NELL1: variants seen among roughly 807,000 people sequenced by gnomAD.
The protein encoded by NELL1 is protein kinase C-binding protein NELL1.
NELL1 carries 76 observed loss-of-function variants against 107.4 expected under a neutral mutation model. The ratio of observed to expected loss-of-function variants is 0.71; its 90% CI spans 0.59 to 0.86. The LOEUF is 0.86. Among genes scored for constraint, NELL1 ranks in the 40% least tolerant of loss-of-function variants. The pLI is 0.00. For missense variants in NELL1, 1,024 were observed against 1,005.5 expected (o/e 1.02, Z -0.25); for synonymous variants, 353 against 341.2 (o/e 1.03, Z -0.38).
chr11:20,909,106 T>C (rs1035338060), intron 5 of NELL1, among the ~76,000 whole-genome samples: 2 of 152,204 alleles, frequency 1.3e-5, no homozygotes, highest in Non-Finnish European at 2.9e-5. Context: ...ATTCCACTTA[T>C]ATGAAATATC....
At chr11:21,432,444 C>CA (rs1852990848) in intron 15 of NELL1, among the ~76,000 whole-genome samples, 1 of 152,272 alleles carries the variant, frequency 6.6e-6, no homozygotes, top group Admixed American at 6.5e-5. Flanking sequence ...CTAAACCTCA[C>CA]AAAATTTGAC....
intron 12 of NELL1, among the ~76,000 whole-genome samples, chr11:21,053,559 A>C (rs568605583): frequency 2.0e-5 from 3 of 152,254 alleles, no homozygotes; most frequent in Non-Finnish European, 4.4e-5. Flanking sequence ...AGAGGGATGC[A>C]CTCAGTACTG....
intron 14 of NELL1, among the ~76,000 whole-genome samples, chr11:21,355,717 C>T (rs538736675): frequency 6.6e-6 from 1 of 152,294 alleles, no homozygotes; most frequent in South Asian, 2.1e-4. Context: ...TTGAATTGCC[C>T]TTCCTTTTAA....
chr11:21,520,352 A>G (rs546478586), intron 15 of NELL1, among the ~76,000 whole-genome samples: 2 of 152,226 alleles, frequency 1.3e-5, no homozygotes, highest in South Asian at 2.1e-4. Context: ...CCCAGTAACT[A>G]CTTCAGGACT....
intron 14 of NELL1, among the ~76,000 whole-genome samples, chr11:21,321,312 A>G (rs4482029): frequency 0.9 from 136,078 of 151,928 alleles, 61,154 homozygotes; most frequent in Middle Eastern, 0.92. Flanking sequence ...AGAGGGAAAG[A>G]TCATGGCCCA....
intron 2 of NELL1, among the ~76,000 whole-genome samples, chr11:20,759,224 C>T (rs1194405908): frequency 6.6e-6 from 1 of 152,208 alleles, no homozygotes; most frequent in African/African-American, 2.4e-5. Context: ...ATGAACTACA[C>T]ATTTAAAATT....
intron 14 of NELL1, among the ~76,000 whole-genome samples, chr11:21,351,289 C>T (rs1850808350): frequency 6.6e-6 from 1 of 151,946 alleles, no homozygotes; most frequent in Non-Finnish European, 1.5e-5. Context: ...TGGTTTAAGT[C>T]ACCAAGTCTG....
At chr11:21,025,051 G>T (rs573240159) in intron 12 of NELL1, among the ~76,000 whole-genome samples, 67 of 152,172 alleles carry the variant, frequency 4.4e-4, no homozygotes, top group African/African-American at 1.6e-3. Flanking sequence ...TGTCCTCAAA[G>T]AGCTTGTCTT....
At chr11:21,507,223 G>T in intron 15 of NELL1, among the ~76,000 whole-genome samples, 1 of 152,106 alleles carries the variant, frequency 6.6e-6, no homozygotes, top group East Asian at 1.9e-4. Context: ...CTTCTTCATT[G>T]AATATCTTCC....
chr11:21,180,144 G>A (rs930506998), intron 13 of NELL1, among the ~76,000 whole-genome samples: 7 of 151,692 alleles, frequency 4.6e-5, no homozygotes, highest in Middle Eastern at 3.4e-3. Context: ...AGACAACCTA[G>A]TATAAATATA....
At chr11:21,161,740 C>T (rs1276288871) in intron 13 of NELL1, among the ~76,000 whole-genome samples, 1 of 151,748 alleles carries the variant, frequency 6.6e-6, no homozygotes, top group African/African-American at 2.4e-5. Flanking sequence ...AATATCATTT[C>T]AACTTTTTAT....
intron 2 of NELL1, among the ~76,000 whole-genome samples, chr11:20,767,769 T>C (rs1489748367): frequency 6.6e-6 from 1 of 152,224 alleles, no homozygotes; most frequent in Non-Finnish European, 1.5e-5. Flanking sequence ...AAATATTTAT[T>C]GCACATCATG....
chr11:21,068,257 C>T (rs558314852), intron 12 of NELL1, among the ~76,000 whole-genome samples: 10 of 152,080 alleles, frequency 6.6e-5, no homozygotes, highest in Non-Finnish European at 1.2e-4. Flanking sequence ...GAGTGCATAT[C>T]ATGTGGTATG....
At chr11:21,205,111 G>C (rs1857360332) in intron 13 of NELL1, among the ~76,000 whole-genome samples, 1 of 149,200 alleles carries the variant, frequency 6.7e-6, no homozygotes, top group African/African-American at 2.6e-5. Context: ...TGAGGAGGCA[G>C]TCTGACCCTT....
At chr11:21,345,544 G>A (rs1022173316) in intron 14 of NELL1, among the ~76,000 whole-genome samples, 4 of 152,126 alleles carry the variant, frequency 2.6e-5, no homozygotes, top group Non-Finnish European at 5.9e-5. Flanking sequence ...GTATGCTCAG[G>A]GAAAGATGCT....
At chr11:21,375,307 TG>T (rs1851449592) in intron 15 of NELL1, among the ~76,000 whole-genome samples, 1 of 152,120 alleles carries the variant, frequency 6.6e-6, no homozygotes, top group Non-Finnish European at 1.5e-5. Context: ...ATGAGGTACT[TG>T]GTTTTCTGTT....
chr11:21,333,594 C>A (rs1048975874), intron 14 of NELL1, among the ~76,000 whole-genome samples: 1 of 152,096 alleles, frequency 6.6e-6, no homozygotes, highest in Admixed American at 6.6e-5. Context: ...TCACATGGTT[C>A]CCATCGATAC....
rs558684340 is a variant in NELL1 at position 21,263,860 on chromosome 11, G to T, written c.1549+34406G>T. ...TTCTAAGTTTTCAAAATTTTGTTGA[G>T]TTACAATTCTCACAGCCTTTATAGG... is the stretch of plus-strand genomic sequence containing the variant. On this transcript the variant is annotated intron_variant, in intron 14 of 19. Transcript: ENST00000357134. 2.0e-5 allele frequency among the ~76,000 whole-genome samples: 3 copies of T among 151,920 alleles called. No homozygotes were observed. In the East Asian group the frequency reaches 5.8e-4, roughly 29 times the overall value.
At chr11:20,817,813 T>C (rs1037998719) in intron 3 of NELL1, among the ~76,000 whole-genome samples, 1 of 140,532 alleles carries the variant, frequency 7.1e-6, no homozygotes, top group East Asian at 2.2e-4. Flanking sequence ...TATTTTGATA[T>C]GTTGTGTCTC....
Sources: allele counts gnomAD v4.1 joint callset (sites outside exome capture counted in the v4.1 genomes callset), GRCh38; gene constraint gnomAD v4.1.1; transcripts MANE v1.5; gene names NCBI Gene and HGNC (gene_info 2026-07-23, HGNC 2026-07-21).